MMP24: variants seen among roughly 807,000 people sequenced by gnomAD.
MMP24 encodes the protein matrix metallopeptidase 24, also known as matrix metalloproteinase-24.
Under a neutral mutation model 62.8 loss-of-function variants are expected in MMP24, and 25 were observed. That is an observed-to-expected ratio of 0.40 (90% CI 0.29 to 0.56). The LOEUF is 0.56. MMP24 is among the 20% of genes least tolerant of loss of function. The pLI, the probability that MMP24 is intolerant of heterozygous loss-of-function variation, is 0.50. For missense variants in MMP24, 634 were observed against 853.6 expected (o/e 0.74, Z 3.21); for synonymous variants, 319 against 350.5 (o/e 0.91, Z 1.00).
In MMP24 at chr20:35,237,722, A is replaced by G. The variant is rs923255812; in HGVS notation, c.247-9118A>G. Among the ~76,000 whole-genome samples the G allele has an allele frequency of 3.3e-5, 5 of 152,182 alleles. No individual in the cohort carries two copies. In the South Asian group the frequency reaches 1.0e-3, roughly 32 times the overall value. ...CATTTGCCCAAGGGCACTCTGCTGG[A>G]AAGAGAAAAGTTAGGTAATATTTGG... is the stretch of plus-strand genomic sequence containing the variant. On this transcript the variant is annotated intron_variant, in intron 1 of 8. Transcript: ENST00000246186.
chr20:35,242,325 C>T (rs530934720), intron 1 of MMP24, among the ~76,000 whole-genome samples: 7 of 151,766 alleles, frequency 4.6e-5, no homozygotes, highest in African/African-American at 1.7e-4. Context: ...GAGTGAGACT[C>T]CATCTCAAAA....
Position 35,263,859 on chromosome 20 carries a change from C to G in MMP24, c.886C>G (p.Pro296Ala), listed in dbSNP as rs1158327209. Residue 296 changes from proline to alanine, a missense_variant, in exon 5 of 9, where the codon CCC (proline) becomes GCC (alanine). Pro to Ala is a conservative substitution (Grantham distance 27). This residue lies in a region of MMP24 where 399 missense variants were observed against 530.8 expected (regional missense o/e 0.75). Coordinates refer to ENST00000246186, the MANE Select transcript of MMP24 (RefSeq NM_006690.4). ...GCTGGGACTGGAGCACTCCAGCGACCCCAGCGCCATCATGGCGCCCTTCTA... is the reference window on the plus strand; with the variant it reads ...GCTGGGACTGGAGCACTCCAGCGACGCCAGCGCCATCATGGCGCCCTTCTA... ...HALGLEHSSD[P>A]SAIMAPFYQY... 6.2e-7 allele frequency: 1 copy of G among 1,612,102 alleles called. No homozygotes were observed. The highest frequency in any genetic ancestry group is 1.7e-5 in the Admixed American group (1 of 59,678).
intron 4 of MMP24, among the ~76,000 whole-genome samples, chr20:35,262,331 A>G (rs975854328): frequency 3.7e-4 from 56 of 152,136 alleles, no homozygotes; most frequent in African/African-American, 1.3e-3. Flanking sequence ...GAAGAGGGGG[A>G]TGTGTCAGGG....
chr20:35,253,270 C>CTT (rs34474017), intron 3 of MMP24, among the ~76,000 whole-genome samples: 1,169 of 78,978 alleles, frequency 0.015, 77 homozygotes, highest in East Asian at 0.027. Context: ...CAGAACGGGA[C>CTT]TTTTTTTTTT....
In MMP24 at chr20:35,244,302, GC is replaced by G. The variant is rs60071522; in HGVS notation, c.247-2537del. ...ACAGGGTTATCTAGATTCGAGCCCA[GC>G]ATGTAGCTCCTGGAAGTGCTTGTGG... On this transcript the variant is annotated intron_variant, in intron 1 of 8. Coordinates refer to ENST00000246186, the MANE Select transcript of MMP24 (RefSeq NM_006690.4). 5.2e-3 allele frequency among the ~76,000 whole-genome samples: 790 copies of G among 152,284 alleles called. 5 individuals carry two copies. Among genetic ancestry groups the G allele is most frequent in the African/African-American group, 0.018 (742 of 41,538 alleles).
Position 35,274,131 on chromosome 20 carries a change from C to A in MMP24, c.1601-141C>A. The A allele has an allele frequency of 1.3e-6, 1 of 784,164 alleles. No homozygotes were observed. The highest frequency in any genetic ancestry group is 2.0e-6 in the Non-Finnish European group (1 of 498,308). 48.6% of individuals were successfully genotyped at this position (784,164 alleles called of 1,614,324 possible). A position where few individuals can be genotyped will look rare whatever the true frequency, so the allele number is the denominator to read the frequency against. ...CTCTGCAGCTTCTTACTCCATGACT[C>A]AGCCAAGCACTGCACCCCAAACCTC... On this transcript the variant is annotated intron_variant, in intron 8 of 8. Transcript: ENST00000246186. This position sits in a 1 kb window ranked among gnomAD's most constrained non-coding sequence, Gnocchi z 5.1.
chr20:35,246,067 A>G lies in MMP24; in HGVS notation c.247-773A>G, dbSNP rs1379339412. ...TGTATATAATCTCCTGCCAATAAAT[A>G]TTCTACAACATGATTCTTCATCAGG... On this transcript the variant is annotated intron_variant, in intron 1 of 8. Coordinates refer to ENST00000246186, the MANE Select transcript of MMP24 (RefSeq NM_006690.4). Among the ~76,000 whole-genome samples the G allele has an allele frequency of 2.0e-5, 3 of 152,076 alleles. No individual in the cohort carries two copies. In the East Asian group the frequency reaches 5.8e-4, roughly 29 times the overall value.
intron 4 of MMP24, among the ~76,000 whole-genome samples, chr20:35,261,972 T>G (rs1015309760): frequency 2.0e-5 from 3 of 151,902 alleles, no homozygotes; most frequent in Non-Finnish European, 4.4e-5. Flanking sequence ...GGCTAATTTT[T>G]GGTATTTTTA....
At position 35,254,603 on chromosome 20, in the gene MMP24, C is replaced by A. The variant is rs764883394; in HGVS notation, c.666C>A (p.Ile222=). The change falls in exon 4 of 9, where the codon ATC becomes ATA. Residue 222 remains isoleucine (I), a synonymous_variant. Coordinates refer to ENST00000246186, the MANE Select transcript of MMP24 (RefSeq NM_006690.4). ...ACCGGAAGGAGGCAGACATCATGAT[C>A]TTTTTTGCTTCTGGTTTCCATGGCG... ...KSDRKEADIM[I]FFASGFHGDS... 6.2e-7 allele frequency: 1 copy of A among 1,614,176 alleles called. No homozygotes were observed. The highest frequency in any genetic ancestry group is 8.5e-7 in the Non-Finnish European group (1 of 1,180,012).
Position 35,271,924 on chromosome 20 carries a change from C to CACTGGT in MMP24, c.1600+89_1600+90insACTGGT. ...CACGGGCATACTCAGTGCCCATGGG[C>CACTGGT]GTCCAGGTTTGAAAAAACACCTGGT... is the stretch of plus-strand genomic sequence containing the variant. On this transcript the variant is annotated intron_variant, in intron 8 of 8. Transcript: ENST00000246186. The surrounding 1 kb of genome is among the most constrained non-coding windows in gnomAD (Gnocchi z 4.0). 7.1e-7 allele frequency: 1 copy of CACTGGT among 1,414,492 alleles called. No homozygotes were observed. The highest frequency in any genetic ancestry group is 2.4e-5 in the East Asian group (1 of 41,366). 87.6% of individuals were successfully genotyped at this position (1,414,492 alleles called of 1,614,324 possible).
At position 35,251,946 on chromosome 20, in the gene MMP24, A is replaced by G; in HGVS notation, c.437A>G (p.His146Arg). The G allele has an allele frequency of 6.2e-7, 1 of 1,613,986 alleles. No individual in the cohort carries two copies. Among genetic ancestry groups the G allele is most frequent in the Non-Finnish European group, 8.5e-7 (1 of 1,179,886 alleles). Residue 146 changes from histidine to arginine, a missense_variant, in exon 3 of 9, where the codon CAC (histidine) becomes CGC (arginine). By Grantham distance (29) the His-to-Arg change is conservative. Around this residue, in one of 3 missense-constraint regions of MMP24, gnomAD observed 212 missense variants for 259.6 expected, o/e 0.82. Coordinates refer to ENST00000246186, the MANE Select transcript of MMP24 (RefSeq NM_006690.4). ...KPRCGVPDHP[H>R]LSRRRRNKRY... ...CGATGTGGTGTCCCTGATCACCCCC[A>G]CTTAAGCCGTAGGCGGAGAAACAAG...
chr20:35,249,975 T>C (rs2060536274), intron 2 of MMP24, among the ~76,000 whole-genome samples: 1 of 152,044 alleles, frequency 6.6e-6, no homozygotes, highest in East Asian at 1.9e-4. Context: ...ATCTATTTAT[T>C]GAGACAAGGT....
Position 35,276,544 on chromosome 20 carries a change from G to A in MMP24, c.*1935G>A. 1 of 368,616 alleles carries A rather than the reference G, an allele frequency of 2.7e-6. No homozygotes were observed. The highest frequency in any genetic ancestry group is 4.6e-5 in the Admixed American group (1 of 21,588). 22.8% of individuals were successfully genotyped at this position (368,616 alleles called of 1,614,324 possible). On this transcript the variant is annotated 3_prime_UTR_variant, in exon 9 of 9. Transcript: ENST00000246186. ...ATCTGTGGACCCCTCTAGGGTCTGA[G>A]ATGAGATGAGAAGTGTCTCCTGTAT... is the stretch of plus-strand genomic sequence containing the variant.
At chr20:35,231,997 T>C (rs2060440119) in intron 1 of MMP24, among the ~76,000 whole-genome samples, 1 of 152,170 alleles carries the variant, frequency 6.6e-6, no homozygotes, top group South Asian at 2.1e-4. Flanking sequence ...GAGCCAAGAC[T>C]GTGCCACTTC....
At chr20:35,260,489 G>A (rs2060596850) in intron 4 of MMP24, among the ~76,000 whole-genome samples, 1 of 152,256 alleles carries the variant, frequency 6.6e-6, no homozygotes, top group African/African-American at 2.4e-5. Context: ...TCAGGAGACA[G>A]AGGCCCTGAA....
intron 5 of MMP24, among the ~76,000 whole-genome samples, chr20:35,264,707 C>CAAAAAAAAAAAAAAAAAAAA (rs57309455): frequency 1.8e-4 from 8 of 43,518 alleles, no homozygotes; most frequent in African/African-American, 5.3e-4. Flanking sequence ...GACTCCGTCT[C>CAAAAAAAAAAAAAAAAAAAA]AAAAAAAAAA....
At chr20:35,229,785 A>G (rs1321271786) in intron 1 of MMP24, among the ~76,000 whole-genome samples, 1 of 151,844 alleles carries the variant, frequency 6.6e-6, no homozygotes, top group Non-Finnish European at 1.5e-5. Context: ...GGCTGCCCAT[A>G]TTTCTCTGGA....
At chr20:35,265,373 C>T (rs1280053339) in intron 5 of MMP24, among the ~76,000 whole-genome samples, 1 of 151,032 alleles carries the variant, frequency 6.6e-6, no homozygotes, top group Non-Finnish European at 1.5e-5. Flanking sequence ...ACCCGGGAGG[C>T]GGAGGTTGCA....
At chr20:35,254,882 T>C (rs76972558) in intron 4 of MMP24, 128 bp downstream of exon 4, 1 of 1,063,944 alleles carries the variant, frequency 9.4e-7, no homozygotes, top group African/African-American at 1.6e-5. Context: ...CGTAAGAGGG[T>C]GGGAACTGTG....
Sources: gnomAD v4.1 joint callset for allele counts (sites outside exome capture counted in the v4.1 genomes callset) on GRCh38, gnomAD v4.1.1 for gene constraint, gnomAD v4.1.1 regional missense constraint, Gnocchi (gnomAD v3.1) non-coding constraint, MANE v1.5 for transcripts, NCBI Gene and HGNC (gene_info 2026-07-23, HGNC 2026-07-21) for gene names.